The following GRID2 variants were observed in gnomAD, a reference collection of about 807,000 sequenced individuals.
The protein encoded by GRID2 is glutamate receptor ionotropic, delta-2.
Under a neutral mutation model 114.8 loss-of-function variants are expected in GRID2, and 33 were observed. The observed-to-expected ratio is 0.29, with a 90% CI of 0.22 to 0.38. The LOEUF (loss-of-function observed/expected upper bound fraction) is 0.38. GRID2 is among the 10% of genes least tolerant of loss of function. The probability of loss-of-function intolerance (pLI) is 1.00; values close to 1 mark genes in which losing one functional copy is unlikely to be tolerated. For synonymous variants in GRID2, 505 were observed against 449.9 expected (o/e 1.12, Z -1.55); for missense variants, 1,184 against 1,257.7 (o/e 0.94, Z 0.89).
intron 8 of GRID2, among the ~76,000 whole-genome samples, chr4:93,337,520 A>G (rs968527965): frequency 1.3e-5 from 2 of 152,200 alleles, no homozygotes; most frequent in South Asian, 2.1e-4. Context: ...AGCAGGAGGA[A>G]TGACTGCTCT....
chr4:92,945,932 G>T (rs1472468971), intron 2 of GRID2, among the ~76,000 whole-genome samples: 1 of 152,036 alleles, frequency 6.6e-6, no homozygotes, highest in Non-Finnish European at 1.5e-5. Flanking sequence ...GCAACTACTT[G>T]CACTGTGTTT....
intron 13 of GRID2, among the ~76,000 whole-genome samples, chr4:93,562,067 A>G (rs771418450): frequency 3.3e-5 from 5 of 152,146 alleles, no homozygotes; most frequent in Non-Finnish European, 5.9e-5. Flanking sequence ...GCTGAATCAT[A>G]TGGTAACAAT....
intron 14 of GRID2, among the ~76,000 whole-genome samples, chr4:93,762,220 T>G (rs1733272595): frequency 6.6e-6 from 1 of 152,116 alleles, no homozygotes; most frequent in South Asian, 2.1e-4. Context: ...AAAAATAACT[T>G]TTTTTCAGAA....
At chr4:93,065,180 AG>A (rs1175130231) in intron 2 of GRID2, among the ~76,000 whole-genome samples, 1 of 151,898 alleles carries the variant, frequency 6.6e-6, no homozygotes, top group Non-Finnish European at 1.5e-5. Context: ...AAAAAACCCA[AG>A]TGAGTTCTGT....
At chr4:92,964,235 C>T (rs181344110) in intron 2 of GRID2, among the ~76,000 whole-genome samples, 146 of 152,128 alleles carry the variant, frequency 9.6e-4, no homozygotes, top group African/African-American at 3.4e-3. Context: ...TCCTTTGAAG[C>T]TTTAAAGCTA....
chr4:93,440,463 C>T (rs967403521), intron 10 of GRID2, among the ~76,000 whole-genome samples: 6 of 152,000 alleles, frequency 3.9e-5, no homozygotes, highest in African/African-American at 1.4e-4. Context: ...GATTGAGTTT[C>T]CCAGAGTATG....
chr4:92,380,477 T>C (rs2110235850), intron 1 of GRID2, among the ~76,000 whole-genome samples: 1 of 151,946 alleles, frequency 6.6e-6, no homozygotes, highest in East Asian at 1.9e-4. Flanking sequence ...ATTTCTTTCC[T>C]CCCCCAACTC....
intron 1 of GRID2, among the ~76,000 whole-genome samples, chr4:92,468,155 G>T (rs1721849610): frequency 6.6e-6 from 1 of 151,956 alleles, no homozygotes; most frequent in South Asian, 2.1e-4. Context: ...AGATACAAAT[G>T]AAATACTATT....
At chr4:92,944,532 G>A (rs772431875) in intron 2 of GRID2, among the ~76,000 whole-genome samples, 1 of 152,188 alleles carries the variant, frequency 6.6e-6, no homozygotes, top group South Asian at 2.1e-4. Context: ...CGGTTGAGGC[G>A]ATGCCTCGCC....
intron 2 of GRID2, among the ~76,000 whole-genome samples, chr4:92,859,202 A>G (rs1279454854): frequency 6.6e-6 from 1 of 152,220 alleles, no homozygotes; most frequent in African/African-American, 2.4e-5. Flanking sequence ...GCAGCCATCA[A>G]CATCAAGATA....
At position 93,790,387 on chromosome 4, in the gene GRID2, C is replaced by T. The variant is rs376019442; in HGVS notation, c.222-16328C>T. Among the ~76,000 whole-genome samples, 24 of 152,048 alleles carry T rather than the reference C, an allele frequency of 1.6e-4. No individual in the cohort carries two copies. The East Asian group carries it at 2.3e-3, about 15-fold the overall frequency. On this transcript the variant is annotated intron_variant, in intron 1 of 1. Transcript: ENST00000637838. ...ACTTAGAATCTAAAATAGAAAATAG[C>T]GTAAAATAAAAGCAGTCTTGGACTT...
intron 2 of GRID2, among the ~76,000 whole-genome samples, chr4:93,007,214 G>GA (rs1259445202): frequency 1.3e-5 from 2 of 151,834 alleles, no homozygotes; most frequent in African/African-American, 4.8e-5. Flanking sequence ...CAACACAACA[G>GA]AAAAAATTAT....
intron 2 of GRID2, among the ~76,000 whole-genome samples, chr4:92,622,660 G>A (rs914062360): frequency 6.6e-6 from 1 of 151,676 alleles, no homozygotes; most frequent in Non-Finnish European, 1.5e-5. Context: ...TTGATAGAGT[G>A]TATTATTTAC....
At chr4:93,054,878 C>T (rs1173315293) in intron 2 of GRID2, among the ~76,000 whole-genome samples, 1 of 151,598 alleles carries the variant, frequency 6.6e-6, no homozygotes, top group East Asian at 1.9e-4. Flanking sequence ...AGAAAAAAGA[C>T]ATTTAATCTT....
chr4:93,021,796 AT>A (rs1026916120), intron 2 of GRID2, among the ~76,000 whole-genome samples: 5 of 146,186 alleles, frequency 3.4e-5, no homozygotes, highest in African/African-American at 9.8e-5. Flanking sequence ...ATTATATATT[AT>A]TTTTATAATA....
chr4:92,421,681 G>A (rs541604327), intron 1 of GRID2, among the ~76,000 whole-genome samples: 23 of 152,210 alleles, frequency 1.5e-4, no homozygotes, highest in South Asian at 8.3e-4. Flanking sequence ...TTTGCTGGGC[G>A]CTCTGTTTCA....
intron 2 of GRID2, among the ~76,000 whole-genome samples, chr4:92,906,398 T>A (rs1300650064): frequency 6.6e-6 from 1 of 151,748 alleles, no homozygotes; most frequent in Non-Finnish European, 1.5e-5. Context: ...TTTCAAGAAT[T>A]TTGCCACTTC....
At chr4:92,693,233 G>A (rs2149294714) in intron 2 of GRID2, among the ~76,000 whole-genome samples, 1 of 152,060 alleles carries the variant, frequency 6.6e-6, no homozygotes, top group African/African-American at 2.4e-5. Context: ...TTCATCCAGT[G>A]ACCTTTCCTG....
At chr4:93,520,631 T>C (rs1730239496) in intron 13 of GRID2, among the ~76,000 whole-genome samples, 1 of 152,012 alleles carries the variant, frequency 6.6e-6, no homozygotes, top group African/African-American at 2.4e-5. Flanking sequence ...CAGATGGATA[T>C]GATCAGAGTG....
Sources: allele counts gnomAD v4.1 joint callset (sites outside exome capture counted in the v4.1 genomes callset), GRCh38; gene constraint gnomAD v4.1.1; transcripts MANE v1.5; gene names NCBI Gene and HGNC (gene_info 2026-07-23, HGNC 2026-07-21).